GCNT2: variants seen among roughly 807,000 people sequenced by gnomAD.
The protein encoded by GCNT2 is glucosaminyl (N-acetyl) transferase 2 (I blood group).
Under a neutral mutation model 34.2 loss-of-function variants are expected in GCNT2, and 34 were observed. That is an observed-to-expected ratio of 1.00 (90% confidence interval 0.76 to 1.32). The LOEUF (loss-of-function observed/expected upper bound fraction) is 1.32. GCNT2 is among the 40% of genes most tolerant of loss of function. The probability of loss-of-function intolerance (pLI) is 0.00; values close to 1 mark genes in which losing one functional copy is unlikely to be tolerated. For synonymous variants in GCNT2, 212 were observed against 188.0 expected, an observed-to-expected ratio of 1.13 and a Z score of -1.04; for missense variants, 584 against 489.4, an observed-to-expected ratio of 1.19 and a Z score of -1.82.
chr6:10,626,475 T>G lies in GCNT2; in HGVS notation c.1077T>G (p.Asn359Lys). The G allele has an allele frequency of 6.2e-7, 1 of 1,613,246 alleles. No homozygotes were observed. ...ACGGAGACTTAAAGTGGCTGGTTAA[T>G]TCACCAAGCCTGTTTGCTAACAAGT... ...YGNGDLKWLV[N>K]SPSLFANKFE... Residue 359 changes from asparagine to lysine, a missense_variant, in exon 5 of 5, where the codon AAT becomes AAG. By Grantham distance (94) the Asn-to-Lys change is moderately conservative. Transcript: ENST00000495262.
At position 10,539,180 on chromosome 6, in the gene GCNT2, C is replaced by CTTTT. The variant is rs71548847; in HGVS notation, c.925+9367_925+9370dup. 2.1e-3 allele frequency among the ~76,000 whole-genome samples: 137 copies of CTTTT among 65,322 alleles called. 24 individuals carry two copies. The highest frequency in any genetic ancestry group is 7.7e-3 in the African/African-American group (125 of 16,178). The allele number at this position is 65,322 out of a possible 152,430, so 42.9% of individuals were successfully genotyped here. A position where few individuals can be genotyped will look rare whatever the true frequency, so the allele number is the denominator to read the frequency against. On this transcript the variant is annotated intron_variant, in intron 3 of 4. Coordinates refer to ENST00000495262, the MANE Select transcript of GCNT2 (RefSeq NM_145649.5). ...AGCCTATCTCTACAGCTCACCGTCT[C>CTTTT]TTTTTTTTTTTTTTTTTTTTTTTTT... is the stretch of plus-strand genomic sequence containing the variant.
chr6:10,582,419 T>A, intron 3 of GCNT2, among the ~76,000 whole-genome samples: 1 of 123,608 alleles, frequency 8.1e-6, no homozygotes, highest in African/African-American at 3.3e-5. Context: ...ATAATATTTA[T>A]TATATACTAT....
rs1259211654 is a variant in GCNT2 at position 10,585,955 on chromosome 6, AAAG to A, written c.926-35391_926-35389del. 10 of 1,611,860 alleles carry A rather than the reference AAAG, an allele frequency of 6.2e-6. 2 individuals are homozygous for A. The highest frequency in any genetic ancestry group is 1.1e-5 in the South Asian group (1 of 90,962). Reference sequence around the variant, plus strand: ...ACACCGATCATTTCTCATTCCCTGAAAAGAAGAGATTGTTTCCCCAGGGAAGTG... The same window carrying A: ...ACACCGATCATTTCTCATTCCCTGAAAAGAGATTGTTTCCCCAGGGAAGTG... On this transcript the variant is annotated intron_variant, in intron 3 of 4. Transcript: ENST00000495262.
At chr6:10,590,587 C>G (rs1254328344) in intron 3 of GCNT2, among the ~76,000 whole-genome samples, 1 of 149,580 alleles carries the variant, frequency 6.7e-6, no homozygotes, top group Non-Finnish European at 1.5e-5. Flanking sequence ...TGGAGTCTTG[C>G]TCTGTCGCCA....
intron 3 of GCNT2, among the ~76,000 whole-genome samples, chr6:10,593,500 G>A (rs1270562576): frequency 1.3e-5 from 2 of 152,044 alleles, no homozygotes; most frequent in Admixed American, 1.3e-4. Context: ...ACTACACCTG[G>A]CTCATTTTTA....
At chr6:10,606,650 G>GGAAATTTCCATTAAAGAAATTTAATA (rs1765326678) in intron 3 of GCNT2, among the ~76,000 whole-genome samples, 2 of 112,172 alleles carry the variant, frequency 1.8e-5, no homozygotes, top group African/African-American at 5.7e-5. Flanking sequence ...GAAATTTAAT[G>GGAAATTTCCATTAAAGAAATTTAATA]GAAATTTCCA....
At position 10,621,426 on chromosome 6, in the gene GCNT2, G is replaced by C. The variant is rs1766031504; in HGVS notation, c.1001G>C (p.Arg334Thr). Residue 334 changes from arginine to threonine, a missense_variant, in exon 4 of 5, where the codon AGA becomes ACA. Arg to Thr is a moderately conservative substitution (Grantham distance 71, BLOSUM62 -1). Transcript: ENST00000495262. Reference sequence around the variant, plus strand: ...ATAAAGTGGAGTGACATGGAAGACAGACACGGAGGCTGCCACGGTGAGGCT... The same window carrying C: ...ATAAAGTGGAGTGACATGGAAGACACACACGGAGGCTGCCACGGTGAGGCT... Reference protein sequence around the residue: ...RAIKWSDMEDRHGGCHGHYVH... With the variant: ...RAIKWSDMEDTHGGCHGHYVH... 1 of 1,611,732 alleles carries C rather than the reference G, an allele frequency of 6.2e-7. No individual in the cohort carries two copies. Among genetic ancestry groups the C allele is most frequent in the Non-Finnish European group, 8.5e-7 (1 of 1,177,998 alleles).
intron 3 of GCNT2, chr6:10,586,528 C>CT (rs769233195): frequency 1.7e-5 from 27 of 1,614,168 alleles, no homozygotes; most frequent in Non-Finnish European, 2.2e-5. Context: ...CTTGTCGCCT[C>CT]TGAGGTTCCC....
chr6:10,542,092 C>A (rs1042259405), intron 3 of GCNT2, among the ~76,000 whole-genome samples: 1 of 152,028 alleles, frequency 6.6e-6, no homozygotes, highest in Non-Finnish European at 1.5e-5. Context: ...TCATACAAAT[C>A]CAGCAGTTTT....
At chr6:10,589,246 T>G (rs1215797663) in intron 3 of GCNT2, among the ~76,000 whole-genome samples, 1 of 148,600 alleles carries the variant, frequency 6.7e-6, no homozygotes, top group Non-Finnish European at 1.5e-5. Context: ...GGTGTGTGTG[T>G]GGTGTGTATG....
chr6:10,612,712 C>T (rs894835689), intron 3 of GCNT2, among the ~76,000 whole-genome samples: 1 of 152,128 alleles, frequency 6.6e-6, no homozygotes, highest in Non-Finnish European at 1.5e-5. Context: ...GACGAGTACA[C>T]CATGTCTTAA....
chr6:10,550,763 G>T (rs58127314), intron 3 of GCNT2, among the ~76,000 whole-genome samples: 2 of 152,112 alleles, frequency 1.3e-5, no homozygotes, highest in Non-Finnish European at 2.9e-5. Flanking sequence ...GATTGTAGGC[G>T]TGAGCCACCA....
Position 10,533,080 on chromosome 6 carries a change from G to A in GCNT2, c.925+3244G>A, listed in dbSNP as rs191518944. Reference sequence around the variant, plus strand: ...CCAGCACTTTGGGAGGCTGAGCTGGGTGGATCGCCTGAAGTCAGGAGTTCA... The same window carrying A: ...CCAGCACTTTGGGAGGCTGAGCTGGATGGATCGCCTGAAGTCAGGAGTTCA... On this transcript the variant is annotated intron_variant, in intron 3 of 4. Coordinates refer to ENST00000495262, the MANE Select transcript of GCNT2 (RefSeq NM_145649.5). Among the ~76,000 whole-genome samples the A allele has an allele frequency of 2.6e-3, 396 of 152,140 alleles. 5 individuals carry two copies. The highest frequency in any genetic ancestry group is 9.0e-3 in the African/African-American group (375 of 41,500).
intron 3 of GCNT2, among the ~76,000 whole-genome samples, chr6:10,534,955 G>T (rs1260588096): frequency 6.6e-6 from 1 of 152,142 alleles, no homozygotes; most frequent in Non-Finnish European, 1.5e-5. Flanking sequence ...AAGCTGAGGT[G>T]GGCGGATCAC....
intron 3 of GCNT2, among the ~76,000 whole-genome samples, chr6:10,531,287 A>G (rs1761475623): frequency 6.6e-6 from 1 of 152,228 alleles, no homozygotes; most frequent in African/African-American, 2.4e-5. Flanking sequence ...CAAGTTGTTT[A>G]TAGTGAACCA....
intron 3 of GCNT2, among the ~76,000 whole-genome samples, chr6:10,540,285 G>A (rs1761980336): frequency 6.6e-6 from 1 of 152,152 alleles, no homozygotes; most frequent in South Asian, 2.1e-4. Context: ...TACCTCTCCA[G>A]GCTTCTCACT....
chr6:10,578,814 G>A (rs1187023272), intron 3 of GCNT2, among the ~76,000 whole-genome samples: 2 of 151,992 alleles, frequency 1.3e-5, no homozygotes, highest in East Asian at 1.9e-4. Flanking sequence ...AGTTAACTTA[G>A]ATCCATTTTG....
At chr6:10,614,880 G>C (rs1419505963) in intron 3 of GCNT2, among the ~76,000 whole-genome samples, 1 of 152,120 alleles carries the variant, frequency 6.6e-6, no homozygotes, top group Non-Finnish European at 1.5e-5. Context: ...AGAGTCTCCT[G>C]GTGGCCAAGT....
chr6:10,529,349 C>A lies in GCNT2; in HGVS notation c.438C>A (p.Cys146Ter). ...GTGCAGTGAAACAGTTACTCAGCTG[C>A]TTCCCAAATGCTTTTCTGGCTTCCA... The part of the protein sequence containing the change: ...FKGAVKQLLS[C>*]FPNAFLASKK... The change falls in exon 3 of 5, where the codon TGC becomes TGA. Residue 146 changes from cysteine to a stop codon, truncating the protein, a stop_gained. Coordinates refer to ENST00000495262, the MANE Select transcript of GCNT2 (RefSeq NM_145649.5). LOFTEE classifies it high-confidence loss of function. 3.7e-6 allele frequency: 6 copies of A among 1,614,078 alleles called. No homozygotes were observed. The highest frequency in any genetic ancestry group is 5.1e-6 in the Non-Finnish European group (6 of 1,179,976).
Sources: gnomAD v4.1 joint callset for allele counts (sites outside exome capture counted in the v4.1 genomes callset) on GRCh38, gnomAD v4.1.1 for gene constraint, MANE v1.5 for transcripts, NCBI Gene and HGNC (gene_info 2026-07-23, HGNC 2026-07-21) for gene names.